The following PRDM16 variants were observed in gnomAD, a reference collection of about 807,000 sequenced individuals.
The protein encoded by PRDM16 is PR/SET domain 16.
Under a neutral mutation model 110.6 loss-of-function variants are expected in PRDM16, and 23 were observed. The observed-to-expected ratio is 0.21, with a 90% CI of 0.15 to 0.29. The LOEUF (loss-of-function observed/expected upper bound fraction) is 0.29. Ranked by LOEUF, PRDM16 falls within the 10% of genes least tolerant of loss-of-function variation. The pLI, the probability that PRDM16 is intolerant of heterozygous loss-of-function variation, is 1.00. For missense variants in PRDM16, 1,615 were observed against 1,794.3 expected (o/e 0.90, Z 1.81); for synonymous variants, 799 against 781.8 (o/e 1.02, Z -0.37).
intron 5 of PRDM16, among the ~76,000 whole-genome samples, chr1:3,398,516 C>T: frequency 6.6e-6 from 1 of 152,238 alleles, no homozygotes; most frequent in East Asian, 1.9e-4. Flanking sequence ...CAGCTCAATG[C>T]AGCCAGCCCC....
intron 2 of PRDM16, among the ~76,000 whole-genome samples, chr1:3,233,819 A>G (rs1410443130): frequency 6.6e-6 from 1 of 152,042 alleles, no homozygotes. Flanking sequence ...CCAGGCTCAT[A>G]AAGTTGTCTA....
chr1:3,284,443 G>C (rs138258214), intron 3 of PRDM16, among the ~76,000 whole-genome samples: 1 of 152,150 alleles, frequency 6.6e-6, no homozygotes, highest in African/African-American at 2.4e-5. Flanking sequence ...AGTGTAAGGC[G>C]TGGCCAAAAT....
chr1:3,146,855 TG>T (rs771571319), intron 1 of PRDM16, among the ~76,000 whole-genome samples: 1 of 83,168 alleles, frequency 1.2e-5, no homozygotes, highest in Non-Finnish European at 2.2e-5. Context: ...GTGCTCAGTG[TG>T]GGGTGTGTGT....
At chr1:3,306,816 C>G (rs1446832972) in intron 3 of PRDM16, 1 of 152,272 alleles carries the variant, frequency 6.6e-6, no homozygotes, top group Non-Finnish European at 1.5e-5. Context: ...CCTATTAGTA[C>G]TCACTCCGCA....
chr1:3,289,789 A>G (rs918938886), intron 3 of PRDM16, among the ~76,000 whole-genome samples: 1 of 152,084 alleles, frequency 6.6e-6, no homozygotes, highest in Non-Finnish European at 1.5e-5. Flanking sequence ...TGTCGGCTCT[A>G]GTTCCAGGGC....
intron 1 of PRDM16, among the ~76,000 whole-genome samples, chr1:3,141,417 C>T (rs753580960): frequency 9.9e-5 from 15 of 152,236 alleles, no homozygotes; most frequent in Non-Finnish European, 1.6e-4. Context: ...GCAGCCTCCT[C>T]GGTCTCCCCG....
intron 2 of PRDM16, among the ~76,000 whole-genome samples, chr1:3,199,312 C>A (rs1638561096): frequency 6.6e-6 from 1 of 152,056 alleles, no homozygotes; most frequent in Non-Finnish European, 1.5e-5. Context: ...GGCAGGGGCA[C>A]AAAAATAAAA....
At chr1:3,072,251 C>T (rs1393702479) in intron 1 of PRDM16, among the ~76,000 whole-genome samples, 3 of 152,150 alleles carry the variant, frequency 2.0e-5, no homozygotes, top group Admixed American at 6.5e-5. Flanking sequence ...GCCAGGTGGG[C>T]AGGTGGGGGG....
chr1:3,114,657 C>A (rs958628690), intron 1 of PRDM16, among the ~76,000 whole-genome samples: 3 of 152,188 alleles, frequency 2.0e-5, no homozygotes, highest in Admixed American at 6.5e-5. Flanking sequence ...CACACACGTG[C>A]ACACACAAAC....
intron 2 of PRDM16, among the ~76,000 whole-genome samples, chr1:3,231,269 G>T (rs1042877659): frequency 6.6e-6 from 1 of 152,222 alleles, no homozygotes; most frequent in East Asian, 1.9e-4. Context: ...GCAAGTCATG[G>T]CAGTCTTGAA....
intron 3 of PRDM16, among the ~76,000 whole-genome samples, chr1:3,341,674 G>A (rs147496392): frequency 4.6e-5 from 7 of 152,316 alleles, no homozygotes; most frequent in African/African-American, 1.4e-4. Context: ...GAAAACATAC[G>A]TCGGGTTTTG....
At chr1:3,224,746 A>C (rs1002236570) in intron 2 of PRDM16, among the ~76,000 whole-genome samples, 2 of 152,234 alleles carry the variant, frequency 1.3e-5, no homozygotes, top group African/African-American at 4.8e-5. Context: ...ACAGGATGAC[A>C]GGGGGAACCC....
At chr1:3,199,095 G>A (rs1182947501) in intron 2 of PRDM16, among the ~76,000 whole-genome samples, 2 of 152,176 alleles carry the variant, frequency 1.3e-5, no homozygotes, top group African/African-American at 2.4e-5. Flanking sequence ...CAGCCCTGGC[G>A]CTCAGCGGAG....
rs184249220 is a variant in PRDM16 at position 3,359,509 on chromosome 1, G to T, written c.439-25643G>T. 3.3e-5 allele frequency among the ~76,000 whole-genome samples: 5 copies of T among 152,126 alleles called. No homozygotes were observed. The highest frequency in any genetic ancestry group is 1.2e-4 in the African/African-American group (5 of 41,504). On this transcript the variant is annotated intron_variant, in intron 3 of 16. Coordinates refer to ENST00000270722, the MANE Select transcript of PRDM16 (RefSeq NM_022114.4). The surrounding 1 kb of genome is among the most constrained non-coding windows in gnomAD (Gnocchi z 4.3). ...CAAGAATTGCGGCCCGGGAGCAGTGGCTGCAGCCTCCCGAGGTGAGCCTGT... is the reference window on the plus strand; with the variant it reads ...CAAGAATTGCGGCCCGGGAGCAGTGTCTGCAGCCTCCCGAGGTGAGCCTGT...
intron 1 of PRDM16, among the ~76,000 whole-genome samples, chr1:3,185,359 C>T (rs1358745827): frequency 2.0e-5 from 3 of 152,222 alleles, no homozygotes; most frequent in Admixed American, 2.0e-4. Flanking sequence ...CCTCAGCAGG[C>T]CTGTTCCTAG....
At chr1:3,109,083 AAATAATAATAATAAT>A (rs61356047) in intron 1 of PRDM16, among the ~76,000 whole-genome samples, 10 of 145,404 alleles carry the variant, frequency 6.9e-5, no homozygotes, top group Non-Finnish European at 1.1e-4. Context: ...CTCCATCTCA[AAATAATAATAATAAT>A]AATAATAATA....
rs1048269922 is a variant in PRDM16, at chr1:3,190,827, T to G, written c.387+4353T>G. Among the ~76,000 whole-genome samples the G allele has an allele frequency of 1.3e-5, 2 of 152,228 alleles. No individual in the cohort carries two copies. The highest frequency in any genetic ancestry group is 6.5e-5 in the Admixed American group (1 of 15,294). ...ACATTTGTTGAGTAAATCATGACAT[T>G]TATCATCATGCTGTTTATTTTGCTA... On this transcript the variant is annotated intron_variant, in intron 2 of 16. Coordinates refer to ENST00000270722, the MANE Select transcript of PRDM16 (RefSeq NM_022114.4). The surrounding 1 kb of genome is among the most constrained non-coding windows in gnomAD (Gnocchi z 5.0).
chr1:3,139,842 G>T lies in PRDM16; in HGVS notation c.38-46283G>T, dbSNP rs893721734. Among the ~76,000 whole-genome samples the T allele has an allele frequency of 2.0e-5, 3 of 152,324 alleles. No homozygotes were observed. The South Asian group carries it at 6.2e-4, about 32-fold the overall frequency. On this transcript the variant is annotated intron_variant, in intron 1 of 16. Coordinates refer to ENST00000270722, the MANE Select transcript of PRDM16 (RefSeq NM_022114.4). ...GTGGGGGTAGCAGTAGGTGAAAGAC[G>T]GTCCTAAGACACCCAGCCACCTCTT... is the stretch of plus-strand genomic sequence containing the variant.
intron 14 of PRDM16, 108 bp from the exon 15 acceptor site, chr1:3,430,764 T>G: frequency 3.1e-6 from 4 of 1,292,378 alleles, no homozygotes; most frequent in Non-Finnish European, 4.4e-6. Context: ...GGGGGCTGAG[T>G]GTTGTCGGGG....
Sources: allele counts gnomAD v4.1 joint callset (sites outside exome capture counted in the v4.1 genomes callset), GRCh38; gene constraint gnomAD v4.1.1; non-coding constraint Gnocchi (gnomAD v3.1); transcripts MANE v1.5; gene names NCBI Gene and HGNC (gene_info 2026-07-23, HGNC 2026-07-21).